The following LRP2 variants were observed in gnomAD, a reference collection of about 807,000 sequenced individuals.
LRP2 encodes the protein low-density lipoprotein receptor-related protein 2.
A neutral mutation model predicts 531.0 loss-of-function variants in LRP2; 172 were observed. That is an observed-to-expected ratio of 0.32 (90% CI 0.29 to 0.37). The LOEUF is 0.37. LRP2 is among the 10% of genes least tolerant of loss of function. The pLI is 1.00. For synonymous variants in LRP2, 1,992 were observed against 2,027.6 expected (o/e 0.98, Z 0.47); for missense variants, 5,167 against 5,868.3 (o/e 0.88, Z 3.90).
chr2:169,215,659 T>C (rs1688756799), intron 35 of LRP2, among the ~76,000 whole-genome samples: 1 of 149,218 alleles, frequency 6.7e-6, no homozygotes, highest in African/African-American at 2.4e-5. Flanking sequence ...TATACAGATA[T>C]ATAAATTCTA....
chr2:169,284,682 G>A (rs928722223), intron 9 of LRP2, among the ~76,000 whole-genome samples: 4 of 152,180 alleles, frequency 2.6e-5, no homozygotes, highest in African/African-American at 7.2e-5. Context: ...AACCCAATCC[G>A]ATCTGGACAC....
At chr2:169,314,991 G>C (rs2544377) in intron 3 of LRP2, among the ~76,000 whole-genome samples, 2 of 151,974 alleles carry the variant, frequency 1.3e-5, no homozygotes, top group Non-Finnish European at 2.9e-5. Flanking sequence ...ATCAGTGCTC[G>C]TTCAATTACC....
At chr2:169,312,857 G>C (rs1684653229) in intron 3 of LRP2, among the ~76,000 whole-genome samples, 1 of 152,082 alleles carries the variant, frequency 6.6e-6, no homozygotes, top group Non-Finnish European at 1.5e-5. Context: ...ACGTAGATTT[G>C]GTCGTTTCAC....
chr2:169,284,339 A>G (rs1257871700), intron 9 of LRP2, among the ~76,000 whole-genome samples: 1 of 126,086 alleles, frequency 7.9e-6, no homozygotes, highest in Non-Finnish European at 1.6e-5. Context: ...GTCTCGGCTC[A>G]CTGCAACCTC....
At chr2:169,314,575 C>T (rs1412491208) in intron 3 of LRP2, among the ~76,000 whole-genome samples, 3 of 152,164 alleles carry the variant, frequency 2.0e-5, no homozygotes, top group Non-Finnish European at 2.9e-5. Context: ...TTGATTATAT[C>T]TTCCTTGTCA....
At chr2:169,170,836 A>T (rs1331267530) in intron 58 of LRP2, among the ~76,000 whole-genome samples, 169 bp from the exon 59 acceptor site, 1 of 150,364 alleles carries the variant, frequency 6.7e-6, no homozygotes, top group Non-Finnish European at 1.5e-5. Flanking sequence ...TTTCACCTTA[A>T]TTTTGAGTCT....
chr2:169,299,273 T>G (rs1415606259), intron 4 of LRP2, among the ~76,000 whole-genome samples: 1 of 152,024 alleles, frequency 6.6e-6, no homozygotes, highest in Non-Finnish European at 1.5e-5. Flanking sequence ...TTAGTCTGGG[T>G]GGCTTTCAGG....
In LRP2 at chr2:169,139,920, G is replaced by A. The variant is rs573289505; in HGVS notation, c.13200-310C>T. On this transcript the variant is annotated intron_variant, in intron 72 of 78. Coordinates refer to ENST00000649046, the MANE Select transcript of LRP2 (RefSeq NM_004525.3). Reference sequence around the variant, plus strand: ...GAGTACAAATGGAAACCATGGTTATGTTTCTTTCTTTTATATGCTTTCATT... The same window carrying A: ...GAGTACAAATGGAAACCATGGTTATATTTCTTTCTTTTATATGCTTTCATT... Among the ~76,000 whole-genome samples the A allele has an allele frequency of 1.1e-4, 16 of 152,306 alleles. No individual in the cohort carries two copies. In the South Asian group the frequency reaches 3.3e-3, roughly 32 times the overall value.
chr2:169,317,160 T>G (rs1037381353), intron 3 of LRP2, among the ~76,000 whole-genome samples: 4 of 152,230 alleles, frequency 2.6e-5, no homozygotes, highest in African/African-American at 9.7e-5. Context: ...TTAAAATGAC[T>G]GCTATAAACT....
chr2:169,271,427 C>T (rs150758457), intron 15 of LRP2, among the ~76,000 whole-genome samples: 9 of 151,884 alleles, frequency 5.9e-5, no homozygotes, highest in East Asian at 5.8e-4. Context: ...GACGAGTTAA[C>T]GGGTGCAGCA....
chr2:169,129,945 T>C (rs1685224248), intron 77 of LRP2, among the ~76,000 whole-genome samples: 1 of 152,190 alleles, frequency 6.6e-6, no homozygotes. Flanking sequence ...GGGGTGTCTC[T>C]TACTCTGTGA....
chr2:169,283,034 G>C (rs1384511388), intron 9 of LRP2, 33 bp from the exon 10 acceptor site: 12 of 1,611,958 alleles, frequency 7.4e-6, no homozygotes, highest in Non-Finnish European at 1.0e-5. Flanking sequence ...TTGTAGTCAA[G>C]GTTATCAGCA....
Position 169,254,646 on chromosome 2 carries a change from A to AAAAAAAAAC in LRP2, c.2770+1459_2770+1460insGTTTTTTTT, listed in dbSNP as rs1437822959. ...TACCCTAAAACTTAGAGTATAATAA[A>AAAAAAAAAC]AAAAAAAAAAAACAGCAATGTTGAA... On this transcript the variant is annotated intron_variant, in intron 19 of 78. Transcript: ENST00000649046. Among the ~76,000 whole-genome samples, 8 of 139,170 alleles carry AAAAAAAAAC rather than the reference A, an allele frequency of 5.7e-5. 1 individual carries two copies. Among genetic ancestry groups the AAAAAAAAAC allele is most frequent in the African/African-American group, 2.1e-4 (8 of 37,824 alleles). 91.3% of individuals were successfully genotyped at this position (139,170 alleles called of 152,430 possible). A position where few individuals can be genotyped will look rare whatever the true frequency, so the allele number is the denominator to read the frequency against.
chr2:169,289,102 A>T lies in LRP2; in HGVS notation c.966T>A (p.His322Gln), dbSNP rs763017770. 6.2e-7 allele frequency: 1 copy of T among 1,614,044 alleles called. No homozygotes were observed. Among genetic ancestry groups the T allele is most frequent in the Non-Finnish European group, 8.5e-7 (1 of 1,180,002 alleles). ...AACACGCTCCTCCATACGGCGTCTC[A>T]TGGCACTGGTACTGGCAGTTCAAGG... The part of the protein sequence containing the change: ...CSALNCQYQC[H>Q]ETPYGGACFC... The change falls in exon 9 of 79, where the codon CAT becomes CAA. Residue 322 changes from histidine (H) to glutamine (Q), a missense_variant. Physicochemically the swap from His to Gln is conservative, Grantham distance 24. Transcript: ENST00000649046.
Position 169,231,350 on chromosome 2 carries a change from C to A in LRP2, c.5227+364G>T, listed in dbSNP as rs1301299913. On this transcript the variant is annotated intron_variant, in intron 31 of 78. Coordinates refer to ENST00000649046, the MANE Select transcript of LRP2 (RefSeq NM_004525.3). ...GAAAAAAAAAAGAGGGAGAAAGAGA[C>A]AATGGACATAAAAAATGAAGCTGTA... Among the ~76,000 whole-genome samples the A allele has an allele frequency of 3.1e-4, 46 of 149,612 alleles. 1 individual carries two copies. The highest frequency in any genetic ancestry group is 4.5e-5 in the Non-Finnish European group (3 of 67,276).
intron 7 of LRP2, among the ~76,000 whole-genome samples, chr2:169,291,263 A>G (rs1574225842): frequency 6.6e-6 from 1 of 152,202 alleles, no homozygotes; most frequent in Admixed American, 6.5e-5. Context: ...ATGGGCCTCA[A>G]TTATCGACAA....
intron 50 of LRP2, chr2:169,182,595 T>C: frequency 7.6e-7 from 1 of 1,317,828 alleles, no homozygotes; most frequent in South Asian, 1.5e-5. Context: ...GGTTTTACTT[T>C]CCTCATGCAG....
At chr2:169,239,255 TA>T (rs554786494) in intron 26 of LRP2, among the ~76,000 whole-genome samples, 27 of 152,324 alleles carry the variant, frequency 1.8e-4, no homozygotes, top group African/African-American at 6.0e-4. Flanking sequence ...CATTTTAAAT[TA>T]TATAAAAGCC....
intron 14 of LRP2, 80 bp downstream of exon 14, chr2:169,274,956 A>G: frequency 7.2e-7 from 1 of 1,382,140 alleles, no homozygotes. Context: ...AAGACCCCTC[A>G]TTATTAACTT....
Sources: allele counts gnomAD v4.1 joint callset (sites outside exome capture counted in the v4.1 genomes callset), GRCh38; gene constraint gnomAD v4.1.1; transcripts MANE v1.5; gene names NCBI Gene and HGNC (gene_info 2026-07-23, HGNC 2026-07-21).